Variants in FAM107A observed in about 807,000 individuals in gnomAD.
The protein encoded by FAM107A is family with sequence similarity 107 member A.
FAM107A carries 19 observed loss-of-function variants against 13.7 expected under a neutral mutation model. The ratio of observed to expected loss-of-function variants is 1.38; its 90% CI spans 0.97 to 2.03. The LOEUF (loss-of-function observed/expected upper bound fraction) is 2.03. FAM107A is among the 30% of genes most tolerant of loss of function. FAM107A has a pLI of 0.00. For synonymous variants in FAM107A, 82 were observed against 74.5 expected (o/e 1.10, Z -0.52); for missense variants, 203 against 184.4 (o/e 1.10, Z -0.58).
In FAM107A at chr3:58,585,130, C is replaced by A. The variant is rs555930763; in HGVS notation, c.79+1728G>T. Among the ~76,000 whole-genome samples the A allele has an allele frequency of 3.9e-5, 6 of 152,274 alleles. No homozygotes were observed. In the East Asian group the frequency reaches 1.2e-3, roughly 29 times the overall value. On this transcript the variant is annotated intron_variant, in intron 1 of 3. Transcript: ENST00000447756. ...CCCTTCCTGGCTCCTTACCCGCAGG[C>A]GTGCAGCCCCTGGAAACACTCCTAC...
At chr3:58,592,801 A>G (rs909701056) in intron 1 of FAM107A, among the ~76,000 whole-genome samples, 6 of 152,212 alleles carry the variant, frequency 3.9e-5, no homozygotes, top group African/African-American at 1.4e-4. Context: ...CCTGTCCTCA[A>G]GATGTTACAG....
upstream of FAM107A, among the ~76,000 whole-genome samples, chr3:58,591,787 C>G (rs1217761950): frequency 6.6e-6 from 1 of 152,204 alleles, no homozygotes; most frequent in Admixed American, 6.5e-5. This position sits in a 1 kb window ranked among gnomAD's most constrained non-coding sequence, Gnocchi z 4.3. Context: ...CTGTACTCGC[C>G]TTGAAGAGGG....
At chr3:58,580,174 A>G (rs2065514862), upstream of FAM107A, among the ~76,000 whole-genome samples, 3 of 152,160 alleles carry the variant, frequency 2.0e-5, no homozygotes, top group South Asian at 6.2e-4. Context: ...TGACCTGAAA[A>G]AGATGTCTTC....
At chr3:58,624,339 T>A (rs1274663031) in intron 1 of FAM107A, among the ~76,000 whole-genome samples, 1 of 152,064 alleles carries the variant, frequency 6.6e-6, no homozygotes, top group African/African-American at 2.4e-5. Flanking sequence ...GGGGCAGATT[T>A]AAAAAAATGC....
At chr3:58,587,033 C>T (rs550082588) in exon 1 of FAM107A, 2 of 1,369,814 alleles carry the variant, frequency 1.5e-6, no homozygotes, top group East Asian at 3.1e-5. Flanking sequence ...GACGGTGACG[C>T]GGCCCCAAGT....
At chr3:58,598,290 T>C (rs774418439) in intron 1 of FAM107A, among the ~76,000 whole-genome samples, 36 of 152,198 alleles carry the variant, frequency 2.4e-4, no homozygotes, top group Non-Finnish European at 4.1e-4. Flanking sequence ...CTGGGACTTG[T>C]TCCTTTGCAG....
intron 1 of FAM107A, among the ~76,000 whole-genome samples, chr3:58,575,727 G>T (rs2063725194): frequency 6.6e-6 from 1 of 152,208 alleles, no homozygotes; most frequent in Non-Finnish European, 1.5e-5. Flanking sequence ...ATGGAGGCCT[G>T]CTAACTTGAG....
chr3:58,604,934 G>C lies in FAM107A; in HGVS notation c.-69-15665C>G, dbSNP rs1050823990. ...GGATTTTGTTATCTTTTTCTGATGA[G>C]TGTTAGGTTTTGTTTTAGCAGGCAG... On this transcript the variant is annotated intron_variant, in intron 1 of 3. Transcript: ENST00000465970. The surrounding 1 kb of genome is among the most constrained non-coding windows in gnomAD (Gnocchi z 4.1). Among the ~76,000 whole-genome samples the C allele has an allele frequency of 6.6e-6, 1 of 151,820 alleles. No individual in the cohort carries two copies. Among genetic ancestry groups the C allele is most frequent in the Non-Finnish European group, 1.5e-5 (1 of 68,026 alleles).
intron 1 of FAM107A, among the ~76,000 whole-genome samples, chr3:58,598,743 A>C (rs1307168571): frequency 6.6e-6 from 1 of 152,154 alleles, no homozygotes; most frequent in South Asian, 2.1e-4. Context: ...TTGATGCTGC[A>C]TGTGTGAGTT....
chr3:58,576,403 C>A (rs527983592), intron 1 of FAM107A, among the ~76,000 whole-genome samples: 4 of 152,246 alleles, frequency 2.6e-5, no homozygotes, highest in African/African-American at 9.6e-5. Context: ...TGATCTGGAA[C>A]AAGCATCAGC....
Position 58,569,761 on chromosome 3 carries a change from G to A in FAM107A, c.100C>T (p.Leu34=), listed in dbSNP as rs200477209. The change falls in exon 2 of 4, where the codon CTG becomes TTG. Residue 34 remains leucine (L), a synonymous_variant. Transcript: ENST00000360997. The surrounding 1 kb of genome is among the most constrained non-coding windows in gnomAD (Gnocchi z 5.7). ...CGAGAGGCCTTCACGGGGTTCAGCAGCTTCTTGGGCTTGATGAGCTCCGGA... is the reference window on the plus strand; with the variant it reads ...CGAGAGGCCTTCACGGGGTTCAGCAACTTCTTGGGCTTGATGAGCTCCGGA... The part of the protein sequence containing the change: ...WNPELIKPKK[L]LNPVKASRSH... The A allele has an allele frequency of 9.3e-6, 15 of 1,614,162 alleles. No individual in the cohort carries two copies. The African/African-American group carries it at 2.0e-4, about 22-fold the overall frequency.
intron 1 of FAM107A, among the ~76,000 whole-genome samples, chr3:58,595,106 T>A (rs906426003): frequency 6.6e-6 from 1 of 152,014 alleles, no homozygotes; most frequent in Non-Finnish European, 1.5e-5. Flanking sequence ...TTCTTCAGTT[T>A]AATCTCTCCC....
Position 58,569,689 on chromosome 3 carries a change from A to T in FAM107A, c.170+2T>A. The T allele has an allele frequency of 6.2e-7, 1 of 1,610,810 alleles. No homozygotes were observed. Among genetic ancestry groups the T allele is most frequent in the South Asian group, 1.1e-5 (1 of 90,796 alleles). The stretch of plus-strand genomic sequence containing the variant: ...GCCCAGGCAGCAGGGCTTCATCCCT[A>T]CCTTCTGTGGTTCATGAGCAGCTCC... On this transcript the variant is annotated splice_donor_variant, in intron 2 of 3. Transcript: ENST00000360997. LOFTEE classifies it high-confidence loss of function. This position sits in a 1 kb window ranked among gnomAD's most constrained non-coding sequence, Gnocchi z 5.7.
At chr3:58,612,849 C>T (rs969184895) in intron 1 of FAM107A, among the ~76,000 whole-genome samples, 5 of 152,168 alleles carry the variant, frequency 3.3e-5, no homozygotes, top group Admixed American at 6.5e-5. Flanking sequence ...TCATCACCGC[C>T]CCCTTGCCTG....
intron 1 of FAM107A, among the ~76,000 whole-genome samples, chr3:58,599,695 CATTTTT>C (rs1309668483): frequency 1.3e-3 from 58 of 45,748 alleles, no homozygotes; most frequent in Non-Finnish European, 2.6e-3. Flanking sequence ...ACAAGTGCAC[CATTTTT>C]TTTTTTTTTT....
upstream of FAM107A, chr3:58,589,082 A>G (rs2065634031): frequency 1.0e-5 from 7 of 668,782 alleles, no homozygotes; most frequent in Non-Finnish European, 1.8e-5. Context: ...TGCAAGGGAG[A>G]AACCAAACCA....
chr3:58,588,949 C>T (rs1462638526), upstream of FAM107A, among the ~76,000 whole-genome samples: 1 of 152,158 alleles, frequency 6.6e-6, no homozygotes, highest in African/African-American at 2.4e-5. Flanking sequence ...CATGCCCGGC[C>T]TCAAGTGATG....
At chr3:58,568,666 C>T (rs1473612273) in intron 2 of FAM107A, among the ~76,000 whole-genome samples, 1 of 152,138 alleles carries the variant, frequency 6.6e-6, no homozygotes, top group African/African-American at 2.4e-5. Context: ...AAAAGCGACT[C>T]AGTGTACAAA....
At chr3:58,581,410 C>T (rs1444294384), upstream of FAM107A, among the ~76,000 whole-genome samples, 1 of 152,178 alleles carries the variant, frequency 6.6e-6, no homozygotes, top group Non-Finnish European at 1.5e-5. Context: ...TCATTTTTGC[C>T]CCCTTTCTCC....
Sources: allele counts gnomAD v4.1 joint callset (sites outside exome capture counted in the v4.1 genomes callset), GRCh38; gene constraint gnomAD v4.1.1; non-coding constraint Gnocchi (gnomAD v3.1); transcripts MANE v1.5; gene names NCBI Gene and HGNC (gene_info 2026-07-23, HGNC 2026-07-21).